Variants in INPP5K observed in about 807,000 individuals in gnomAD.
The protein encoded by INPP5K is inositol polyphosphate-5-phosphatase K, also known as inositol polyphosphate 5-phosphatase K.
In INPP5K, 35 loss-of-function variants were observed where a neutral mutation model predicts 53.5. That is an observed-to-expected ratio of 0.65 (90% CI 0.50 to 0.87). INPP5K has a LOEUF of 0.87. INPP5K is among the 40% of genes least tolerant of loss of function. The probability of loss-of-function intolerance (pLI) is 0.00; values close to 1 mark genes in which losing one functional copy is unlikely to be tolerated. For synonymous variants in INPP5K, 253 were observed against 232.8 expected, an observed-to-expected ratio of 1.09 and a Z score of -0.79; for missense variants, 550 against 586.2, an observed-to-expected ratio of 0.94 and a Z score of 0.64.
At chr17:1,497,355 C>A (rs752565648) in intron 8 of INPP5K, among the ~76,000 whole-genome samples, 1 of 152,132 alleles carries the variant, frequency 6.6e-6, no homozygotes, top group African/African-American at 2.4e-5. Flanking sequence ...CCTGTAGTCC[C>A]GCTACTAGGG....
intron 7 of INPP5K, among the ~76,000 whole-genome samples, chr17:1,500,939 C>T (rs1368181657): frequency 1.3e-5 from 2 of 150,662 alleles, no homozygotes; most frequent in African/African-American, 2.4e-5. Flanking sequence ...CTATTTTTGT[C>T]TCCTTCTTTA....
At chr17:1,504,348 G>A (rs1028987369) in intron 7 of INPP5K, among the ~76,000 whole-genome samples, 2 of 152,250 alleles carry the variant, frequency 1.3e-5, no homozygotes, top group African/African-American at 4.8e-5. Context: ...CCTAGGAGAA[G>A]TGATGTCTCA....
At chr17:1,508,461 T>A (rs2075217823) in intron 5 of INPP5K, 3 of 523,360 alleles carry the variant, frequency 5.7e-6, no homozygotes, top group African/African-American at 3.8e-5. Context: ...GAGCAGGCTG[T>A]GGCCCTTCCT....
intron 3 of INPP5K, among the ~76,000 whole-genome samples, chr17:1,512,064 C>T (rs990606144): frequency 6.6e-6 from 1 of 152,146 alleles, no homozygotes; most frequent in African/African-American, 2.4e-5. Context: ...CTATAGCTGG[C>T]AAATGCACGG....
At chr17:1,509,404 C>A in intron 4 of INPP5K, 51 bp from the exon 5 acceptor site, 1 of 1,541,744 alleles carries the variant, frequency 6.5e-7, no homozygotes, top group South Asian at 1.2e-5. Context: ...GTTGGACACA[C>A]CCCTCTTTCC....
chr17:1,497,586 G>A (rs1280542584), intron 8 of INPP5K, among the ~76,000 whole-genome samples: 1 of 152,220 alleles, frequency 6.6e-6, no homozygotes, highest in Non-Finnish European at 1.5e-5. Flanking sequence ...AGGACGCAGG[G>A]ATGGAGGGAG....
chr17:1,498,033 G>C lies in INPP5K; in HGVS notation c.866C>G (p.Pro289Arg), dbSNP rs61735262. The C allele has an allele frequency of 3.7e-6, 6 of 1,613,988 alleles. No homozygotes were observed. Among genetic ancestry groups the C allele is most frequent in the Non-Finnish European group, 5.1e-6 (6 of 1,179,990 alleles). ...PCAGPDTPIP[P>R]ASHFSLSLRG... ...CAGAGACAAGGAGAAGTGTGACGCC[G>C]GCGGTATGGGAGTGTCGGGGCCAGC... Residue 289 changes from proline (P) to arginine (R), a missense_variant, in exon 8 of 12, where the codon CCG becomes CGG. Coordinates refer to ENST00000421807, the MANE Select transcript of INPP5K (RefSeq NM_016532.4).
intron 3 of INPP5K, among the ~76,000 whole-genome samples, chr17:1,511,612 GGTT>G (rs1286640469): frequency 6.6e-6 from 1 of 152,134 alleles, no homozygotes; most frequent in Non-Finnish European, 1.5e-5. Context: ...GTGGGCCAGA[GGTT>G]GCTACAGGTG....
chr17:1,515,304 G>C (rs1046298214), intron 1 of INPP5K: 1 of 337,212 alleles, frequency 3.0e-6, no homozygotes, highest in Non-Finnish European at 4.2e-6. Flanking sequence ...AGTACTCTCT[G>C]GGGAAAAGTC....
At position 1,514,662 on chromosome 17, in the gene INPP5K, C is replaced by T. The variant is rs146126772; in HGVS notation, c.45-683G>A. ...TAATTCCATCAGCTCCTCCAGCCAC[C>T]CACACCCCTCTGTCATCATCTATGG... On this transcript the variant is annotated intron_variant, in intron 1 of 11. Transcript: ENST00000421807. 1.9e-3 allele frequency among the ~76,000 whole-genome samples: 291 copies of T among 152,212 alleles called. 1 individual carries two copies. Among genetic ancestry groups the T allele is most frequent in the African/African-American group, 6.7e-3 (279 of 41,508 alleles).
intron 7 of INPP5K, among the ~76,000 whole-genome samples, chr17:1,498,537 A>C (rs1464444608): frequency 6.6e-6 from 1 of 152,126 alleles, no homozygotes; most frequent in Non-Finnish European, 1.5e-5. Context: ...AAGGGAAGGG[A>C]AGCATTTAGG....
At chr17:1,500,519 C>A (rs565043665) in intron 7 of INPP5K, among the ~76,000 whole-genome samples, 1 of 152,318 alleles carries the variant, frequency 6.6e-6, no homozygotes, top group African/African-American at 2.4e-5. Flanking sequence ...CGCCTGCCAC[C>A]ATGCCTGGCT....
chr17:1,510,926 C>T (rs976918679), intron 3 of INPP5K, among the ~76,000 whole-genome samples: 4 of 152,168 alleles, frequency 2.6e-5, no homozygotes, highest in African/African-American at 9.7e-5. Flanking sequence ...TGTACTCGGC[C>T]TGCTCTTTAT....
intron 6 of INPP5K, chr17:1,507,841 G>C (rs61545534): frequency 3.4e-6 from 1 of 298,286 alleles, no homozygotes; most frequent in Non-Finnish European, 6.3e-6. Flanking sequence ...CACCGTGCCC[G>C]GCCCCTATTC....
At chr17:1,499,110 G>C (rs1004621772) in intron 7 of INPP5K, among the ~76,000 whole-genome samples, 31 of 152,322 alleles carry the variant, frequency 2.0e-4, no homozygotes, top group African/African-American at 7.5e-4. Context: ...TAGTTACCAT[G>C]AAGGGTTGCT....
At chr17:1,496,444 G>A in intron 9 of INPP5K, 42 bp from the exon 10 acceptor site, 3 of 1,493,302 alleles carry the variant, frequency 2.0e-6, no homozygotes, top group Admixed American at 2.0e-5. Context: ...GGGAGGACAT[G>A]GGACCTAAGG....
chr17:1,496,918 G>T lies in INPP5K; in HGVS notation c.964-115C>A, dbSNP rs537913934. ...GTGGGGAAGGTGGGGCACCCAGAGGGGGTGGGCATGGAACTCCACTGGGCT... is the reference window on the plus strand; with the variant it reads ...GTGGGGAAGGTGGGGCACCCAGAGGTGGTGGGCATGGAACTCCACTGGGCT... On this transcript the variant is annotated intron_variant, in intron 8 of 11. Coordinates refer to ENST00000421807, the MANE Select transcript of INPP5K (RefSeq NM_016532.4). 138 of 1,050,232 alleles carry T rather than the reference G, an allele frequency of 1.3e-4. No homozygotes were observed. The African/African-American group carries it at 1.8e-3, about 14-fold the overall frequency. 65.1% of individuals were successfully genotyped at this position (1,050,232 alleles called of 1,614,324 possible).
At chr17:1,502,261 A>T (rs532462588) in intron 7 of INPP5K, among the ~76,000 whole-genome samples, 3 of 152,196 alleles carry the variant, frequency 2.0e-5, no homozygotes, top group Non-Finnish European at 4.4e-5. Flanking sequence ...AGGCAAGAGA[A>T]TGGCGTGAAC....
rs74544816 is a variant in INPP5K, at chr17:1,513,447, A to G, written c.261+6T>C. On this transcript the variant is annotated splice_donor_region_variant and intron_variant, in intron 3 of 11. Transcript: ENST00000421807. Reference sequence around the variant, plus strand: ...GTTGTCAAGTGCCAATGAACTGGCAAGTTACCTTGATGAAGCTCAGAGGGG... The same window carrying G: ...GTTGTCAAGTGCCAATGAACTGGCAGGTTACCTTGATGAAGCTCAGAGGGG... The G allele has an allele frequency of 1.9e-6, 3 of 1,611,948 alleles. No homozygotes were observed. In the East Asian group the frequency reaches 6.7e-5, roughly 36 times the overall value.
Sources: allele counts gnomAD v4.1 joint callset (sites outside exome capture counted in the v4.1 genomes callset), GRCh38; gene constraint gnomAD v4.1.1; transcripts MANE v1.5; gene names NCBI Gene and HGNC (gene_info 2026-07-23, HGNC 2026-07-21).